ENTREP2: variants seen among roughly 807,000 people sequenced by gnomAD.
ENTREP2 encodes the protein endosomal transmembrane epsin interactor 2.
At chr15:29,454,271 T>G in the ENTREP2 span, among the ~76,000 whole-genome samples, 94,774 of 152,118 alleles carry the variant, frequency 0.62, 29,610 homozygotes, top group South Asian at 0.66. Context: ...CTGCAGATTT[T>G]TTCCATTTGA....
chr15:29,642,970 T>C, the ENTREP2 span, among the ~76,000 whole-genome samples: 1 of 152,110 alleles, frequency 6.6e-6, no homozygotes, highest in Non-Finnish European at 1.5e-5. Flanking sequence ...TGCAAAAGAA[T>C]TAAATTGAAC....
chr15:29,578,681 T>A, the ENTREP2 span, among the ~76,000 whole-genome samples: 1 of 152,238 alleles, frequency 6.6e-6, no homozygotes, highest in Non-Finnish European at 1.5e-5. Context: ...GCTGGCCTTA[T>A]TCCGTTAGCA....
chr15:29,624,497 C>T, the ENTREP2 span, among the ~76,000 whole-genome samples: 1 of 152,182 alleles, frequency 6.6e-6, no homozygotes, highest in African/African-American at 2.4e-5. Context: ...TGTCTCTCTA[C>T]AAATGCTGGA....
At chr15:29,207,387 T>A in the ENTREP2 span, among the ~76,000 whole-genome samples, 1 of 150,950 alleles carries the variant, frequency 6.6e-6, no homozygotes, top group Non-Finnish European at 1.5e-5. Context: ...ATAACAAAGT[T>A]TATTACGAAG....
the ENTREP2 span, among the ~76,000 whole-genome samples, chr15:29,649,489 G>A: frequency 5.3e-5 from 8 of 152,234 alleles, 1 homozygote; most frequent in African/African-American, 1.4e-4. Context: ...GAGAGGCTGA[G>A]GTGGGTAGAT....
chr15:29,466,875 C>T, the ENTREP2 span, among the ~76,000 whole-genome samples: 3 of 137,548 alleles, frequency 2.2e-5, no homozygotes, highest in African/African-American at 2.7e-5. Context: ...TGCTGCAGCC[C>T]CCAGGGAAGG....
chr15:29,495,273 TG>T, the ENTREP2 span, among the ~76,000 whole-genome samples: 2 of 152,218 alleles, frequency 1.3e-5, no homozygotes, highest in South Asian at 4.1e-4. Context: ...AGTTTTGATT[TG>T]TATTTCCCTG....
the ENTREP2 span, among the ~76,000 whole-genome samples, chr15:29,567,657 G>A: frequency 6.6e-6 from 1 of 152,158 alleles, no homozygotes; most frequent in South Asian, 2.1e-4. Flanking sequence ...CAAACTCAGG[G>A]AGAGGGAACC....
chr15:29,479,128 A>G, the ENTREP2 span, among the ~76,000 whole-genome samples: 1 of 148,028 alleles, frequency 6.8e-6, no homozygotes, highest in East Asian at 2.0e-4. Flanking sequence ...AATGGCGTGA[A>G]CCCGGGAGGT....
At chr15:29,662,142 T>C in the ENTREP2 span, among the ~76,000 whole-genome samples, 1 of 129,056 alleles carries the variant, frequency 7.7e-6, no homozygotes, top group Non-Finnish European at 1.6e-5. Context: ...GCCCAGGAGG[T>C]GGAGGTTGTG....
At chr15:29,181,754 T>C in the ENTREP2 span, among the ~76,000 whole-genome samples, 2 of 152,192 alleles carry the variant, frequency 1.3e-5, no homozygotes, top group Admixed American at 6.5e-5. Flanking sequence ...CTTATCTCAA[T>C]AGATGCAGCA....
the ENTREP2 span, among the ~76,000 whole-genome samples, chr15:29,308,893 G>T: frequency 1.3e-5 from 2 of 152,128 alleles, no homozygotes; most frequent in African/African-American, 4.8e-5. Context: ...AACATTCTTC[G>T]ATGGGGAGGA....
the ENTREP2 span, among the ~76,000 whole-genome samples, chr15:29,455,267 CA>C: frequency 4.6e-5 from 7 of 152,158 alleles, no homozygotes; most frequent in Non-Finnish European, 1.0e-4. Flanking sequence ...CCATACTAAC[CA>C]TGTGAGGCCA....
the ENTREP2 span, among the ~76,000 whole-genome samples, chr15:29,454,319 TATA>T: frequency 6.6e-6 from 1 of 152,254 alleles, no homozygotes; most frequent in Non-Finnish European, 1.5e-5. Flanking sequence ...CTGCTTTTAG[TATA>T]ATAGGGATGG....
At chr15:29,372,210 C>T in the ENTREP2 span, among the ~76,000 whole-genome samples, 1 of 152,142 alleles carries the variant, frequency 6.6e-6, no homozygotes, top group East Asian at 1.9e-4. Context: ...GCAAGACCAA[C>T]CCCTCCTCTT....
At chr15:29,416,220 G>A in the ENTREP2 span, among the ~76,000 whole-genome samples, 2 of 152,112 alleles carry the variant, frequency 1.3e-5, no homozygotes, top group Non-Finnish European at 2.9e-5. Context: ...CAAAGCTGGA[G>A]GCATCACGCT....
chr15:29,628,735 T>G, the ENTREP2 span, among the ~76,000 whole-genome samples: 7 of 152,224 alleles, frequency 4.6e-5, no homozygotes, highest in South Asian at 1.2e-3. Context: ...TCACTGTGTG[T>G]TTTTGGATGG....
the ENTREP2 span, among the ~76,000 whole-genome samples, chr15:29,642,326 T>C: frequency 2.0e-5 from 3 of 151,760 alleles, no homozygotes; most frequent in Non-Finnish European, 4.4e-5. Context: ...AATCTAGAAA[T>C]GAACCTGTGC....
chr15:29,147,346 C>A, the ENTREP2 span, among the ~76,000 whole-genome samples: 1 of 152,324 alleles, frequency 6.6e-6, no homozygotes, highest in Admixed American at 6.5e-5. Context: ...AATGAAATAC[C>A]ACTTCACCAC....
Sources: allele counts gnomAD v4.1 joint callset (sites outside exome capture counted in the v4.1 genomes callset), GRCh38; gene constraint gnomAD v4.1.1; transcripts MANE v1.5; gene names NCBI Gene and HGNC (gene_info 2026-07-23, HGNC 2026-07-21).